The following ARHGEF37 variants were observed in gnomAD, a reference collection of about 807,000 sequenced individuals.
The protein encoded by ARHGEF37 is Rho guanine nucleotide exchange factor (GEF) 37.
Under a neutral mutation model 71.1 loss-of-function variants are expected in ARHGEF37, and 55 were observed. That is an observed-to-expected ratio of 0.77 (90% CI 0.62 to 0.97). ARHGEF37 has a LOEUF of 0.97. Among genes scored for constraint, ARHGEF37 ranks in the 50% least tolerant of loss-of-function variants. ARHGEF37 has a pLI of 0.00. For missense variants in ARHGEF37, 765 were observed against 836.8 expected, an observed-to-expected ratio of 0.91 and a Z score of 1.06; for synonymous variants, 327 against 350.6, an observed-to-expected ratio of 0.93 and a Z score of 0.75.
upstream of ARHGEF37, among the ~76,000 whole-genome samples, chr5:149,579,670 C>T (rs1763068428): frequency 1.3e-5 from 2 of 152,004 alleles, no homozygotes; most frequent in South Asian, 4.1e-4. Flanking sequence ...CAACCTCTGC[C>T]TCCAGTGCTC....
intron 2 of ARHGEF37, among the ~76,000 whole-genome samples, chr5:149,600,350 G>A (rs58921723): frequency 0.026 from 3,989 of 152,292 alleles, 199 homozygotes; most frequent in African/African-American, 0.09. Context: ...CCACTTGAAT[G>A]TGTGTCCAGC....
At chr5:149,627,444 G>A (rs1040586881) in intron 11 of ARHGEF37, among the ~76,000 whole-genome samples, 173 bp downstream of exon 11, 10 of 152,228 alleles carry the variant, frequency 6.6e-5, no homozygotes, top group African/African-American at 1.2e-4. Flanking sequence ...GAGTGACTCC[G>A]TGGGACATGA....
chr5:149,576,994 A>G (rs537214105), upstream of ARHGEF37, among the ~76,000 whole-genome samples: 1 of 152,302 alleles, frequency 6.6e-6, no homozygotes, highest in East Asian at 1.9e-4. Context: ...CAGAAGAAAT[A>G]ATTCTCAAAA....
At chr5:149,554,536 G>A (rs75468400) in intron 1 of ARHGEF37, among the ~76,000 whole-genome samples, 74 of 152,048 alleles carry the variant, frequency 4.9e-4, no homozygotes, top group Admixed American at 2.4e-3. Context: ...TTCCAACACT[G>A]ACAGTGCCCA....
At chr5:149,598,424 CCTTCTCCTT>C (rs922427645) in intron 2 of ARHGEF37, among the ~76,000 whole-genome samples, 1 of 145,896 alleles carries the variant, frequency 6.9e-6, no homozygotes, top group Non-Finnish European at 1.5e-5. Flanking sequence ...TCCTTCTTCT[CCTTCTCCTT>C]CTTCTCCTTC....
intron 1 of ARHGEF37, among the ~76,000 whole-genome samples, chr5:149,591,831 A>T (rs11948608): frequency 0.049 from 7,456 of 152,242 alleles, 652 homozygotes; most frequent in African/African-American, 0.17. Flanking sequence ...ACTGTAGGCT[A>T]ATCTAAGTGT....
At chr5:149,615,733 TA>T (rs972083377) in intron 4 of ARHGEF37, among the ~76,000 whole-genome samples, 2 of 150,482 alleles carry the variant, frequency 1.3e-5, no homozygotes, top group African/African-American at 4.9e-5. Flanking sequence ...CTACTAAAAA[TA>T]AAAAAAAATC....
At chr5:149,622,508 A>G (rs1752576186) in intron 9 of ARHGEF37, among the ~76,000 whole-genome samples, 1 of 152,232 alleles carries the variant, frequency 6.6e-6, no homozygotes, top group Non-Finnish European at 1.5e-5. Flanking sequence ...AGCACTCTCC[A>G]TGCATGATCT....
chr5:149,632,493 G>A lies in ARHGEF37; in HGVS notation c.*302G>A, dbSNP rs1752916046. On this transcript the variant is annotated 3_prime_UTR_variant, in exon 13 of 13. Coordinates refer to ENST00000333677, the MANE Select transcript of ARHGEF37 (RefSeq NM_001001669.3). ...GCTGATTGGCCAGGACTCTCCATAG[G>A]TTATGGCCAGTCTTAGCTGTGCCTG... The A allele has an allele frequency of 2.7e-5, 10 of 371,466 alleles. No homozygotes were observed. In the East Asian group the frequency reaches 5.0e-4, roughly 19 times the overall value. The allele number at this position is 371,466 out of a possible 1,614,324, so 23.0% of individuals were successfully genotyped here. A position where few individuals can be genotyped will look rare whatever the true frequency, so the allele number is the denominator to read the frequency against.
rs1336312772 is a variant in ARHGEF37, at chr5:149,628,308, TC to T, written c.1661-500del. On this transcript the variant is annotated intron_variant, in intron 11 of 12. Coordinates refer to ENST00000333677, the MANE Select transcript of ARHGEF37 (RefSeq NM_001001669.3). ...GAAGACTATGTAATGAAATGCTTGC[TC>T]TGTAGTTTGGCACACCCTCAGGAAG... Among the ~76,000 whole-genome samples the T allele has an allele frequency of 8.5e-5, 13 of 152,334 alleles. No individual in the cohort carries two copies. The East Asian group carries it at 2.3e-3, about 27-fold the overall frequency.
At chr5:149,583,091 T>C (rs1763148394) in intron 1 of ARHGEF37, among the ~76,000 whole-genome samples, 1 of 152,182 alleles carries the variant, frequency 6.6e-6, no homozygotes, top group Non-Finnish European at 1.5e-5. Context: ...TGGGCTTCAC[T>C]TGCCTCTTTC....
intron 3 of ARHGEF37, among the ~76,000 whole-genome samples, chr5:149,605,405 A>G (rs1763888534): frequency 6.6e-6 from 1 of 152,198 alleles, no homozygotes; most frequent in Admixed American, 6.5e-5. Context: ...ATAAACATTC[A>G]TCATTCATTA....
chr5:149,619,190 T>A, intron 7 of ARHGEF37, 148 bp downstream of exon 7: 2 of 689,436 alleles, frequency 2.9e-6, no homozygotes, highest in Admixed American at 4.6e-5. Flanking sequence ...TTCTGGAGAA[T>A]GCTGGCCAGC....
rs773502299 is a variant in ARHGEF37 at position 149,609,503 on chromosome 5, CACAG to C, written c.311-41_311-38del. On this transcript the variant is annotated intron_variant, in intron 3 of 12. Transcript: ENST00000333677. ...CCTCCCTGTTCCAAGCTAGGGGACACACAGACATGCCCTTGACGACCCCTTGTTG... is the reference window on the plus strand; with the variant it reads ...CCTCCCTGTTCCAAGCTAGGGGACACACATGCCCTTGACGACCCCTTGTTG... 55 of 1,605,080 alleles carry C rather than the reference CACAG, an allele frequency of 3.4e-5. 1 individual carries two copies. The South Asian group carries it at 5.9e-4, about 17-fold the overall frequency.
At chr5:149,568,538 C>T (rs1762924894) in intron 1 of ARHGEF37, among the ~76,000 whole-genome samples, 1 of 152,058 alleles carries the variant, frequency 6.6e-6, no homozygotes, top group South Asian at 2.1e-4. Flanking sequence ...TATCAAGATA[C>T]AATACATTGG....
chr5:149,597,988 T>C (rs1185681056), intron 2 of ARHGEF37, 33 bp downstream of exon 2: 2 of 1,521,728 alleles, frequency 1.3e-6, no homozygotes, highest in Non-Finnish European at 1.8e-6. Flanking sequence ...AACCTGTCTT[T>C]ATAGGGGCAA....
At chr5:149,630,137 A>G (rs769104186) in intron 12 of ARHGEF37, among the ~76,000 whole-genome samples, 1 of 152,238 alleles carries the variant, frequency 6.6e-6, no homozygotes, top group Non-Finnish European at 1.5e-5. Flanking sequence ...CTGCAAATAT[A>G]CTAAAAACCT....
At position 149,632,303 on chromosome 5, in the gene ARHGEF37, G is replaced by C; in HGVS notation, c.*112G>C. 1 of 1,272,794 alleles carries C rather than the reference G, an allele frequency of 7.9e-7. No homozygotes were observed. Among genetic ancestry groups the C allele is most frequent in the East Asian group, 2.5e-5 (1 of 39,864 alleles). 78.8% of individuals were successfully genotyped at this position (1,272,794 alleles called of 1,614,324 possible). A position where few individuals can be genotyped will look rare whatever the true frequency, so the allele number is the denominator to read the frequency against. ...GGAGGTGGAAGGGAAGACCAGGCCAGGGTGGGTGAAGCACACTCAGGAGGC... is the reference window on the plus strand; with the variant it reads ...GGAGGTGGAAGGGAAGACCAGGCCACGGTGGGTGAAGCACACTCAGGAGGC... On this transcript the variant is annotated 3_prime_UTR_variant, in exon 13 of 13. Transcript: ENST00000333677.
chr5:149,598,789 TAG>T (rs61396754), intron 2 of ARHGEF37, among the ~76,000 whole-genome samples: 34 of 146,584 alleles, frequency 2.3e-4, no homozygotes, highest in South Asian at 1.9e-3. Flanking sequence ...TATATAGATA[TAG>T]ATATATAGAT....
Sources: gnomAD v4.1 joint callset for allele counts (sites outside exome capture counted in the v4.1 genomes callset) on GRCh38, gnomAD v4.1.1 for gene constraint, MANE v1.5 for transcripts, NCBI Gene and HGNC (gene_info 2026-07-23, HGNC 2026-07-21) for gene names.